PARD3: variants seen among roughly 807,000 people sequenced by gnomAD.
The protein encoded by PARD3 is partitioning defective 3 homolog.
A neutral mutation model predicts 155.4 loss-of-function variants in PARD3; 75 were observed. That is an observed-to-expected ratio of 0.48 (90% CI 0.40 to 0.58). PARD3 has a LOEUF of 0.58. Ranked by LOEUF, PARD3 falls within the 20% of genes least tolerant of loss-of-function variation. The pLI is 0.00. For synonymous variants in PARD3, 576 were observed against 610.5 expected, an observed-to-expected ratio of 0.94 and a Z score of 0.83; for missense variants, 1,642 against 1,721.7, an observed-to-expected ratio of 0.95 and a Z score of 0.82.
intron 22 of PARD3, among the ~76,000 whole-genome samples, chr10:34,232,728 T>C (rs2133581855): frequency 6.6e-6 from 1 of 152,234 alleles, no homozygotes; most frequent in African/African-American, 2.4e-5. Context: ...AGAGACAAAG[T>C]CTTGCTGTAT....
intron 2 of PARD3, among the ~76,000 whole-genome samples, chr10:34,625,931 G>A (rs2091959495): frequency 6.6e-6 from 1 of 152,086 alleles, no homozygotes; most frequent in African/African-American, 2.4e-5. Flanking sequence ...ACAAAAACAA[G>A]TCAACTTCAC....
intron 22 of PARD3, among the ~76,000 whole-genome samples, chr10:34,197,849 C>G (rs996140664): frequency 5.3e-5 from 8 of 152,228 alleles, no homozygotes; most frequent in Admixed American, 6.5e-5. Context: ...CCTGCCCCAG[C>G]CTCCCGAGCA....
intron 22 of PARD3, among the ~76,000 whole-genome samples, chr10:34,244,086 C>T (rs949998795): frequency 1.1e-4 from 16 of 152,232 alleles, no homozygotes; most frequent in Middle Eastern, 3.4e-3. Context: ...TCCTATGTGG[C>T]TGATCAGTTA....
intron 2 of PARD3, among the ~76,000 whole-genome samples, chr10:34,550,161 C>G (rs1224992223): frequency 1.3e-5 from 2 of 152,206 alleles, no homozygotes; most frequent in African/African-American, 4.8e-5. Flanking sequence ...TGCACACATG[C>G]ATGGTGAGGA....
intron 1 of PARD3, among the ~76,000 whole-genome samples, chr10:34,772,868 GT>G (rs1237037967): frequency 1.3e-5 from 2 of 150,592 alleles, no homozygotes; most frequent in Non-Finnish European, 3.0e-5. Flanking sequence ...AAGAAAGCCT[GT>G]AATAAATACC....
At chr10:34,687,005 C>T (rs1339872825) in intron 2 of PARD3, among the ~76,000 whole-genome samples, 5 of 151,712 alleles carry the variant, frequency 3.3e-5, no homozygotes, top group East Asian at 1.9e-4. Flanking sequence ...GCCGAGACAG[C>T]GCCACTGCAC....
rs1346260244 is a variant in PARD3, at chr10:34,375,005, AAAAC to A, written c.1540-7_1540-4del. On this transcript the variant is annotated splice_polypyrimidine_tract_variant and splice_region_variant and intron_variant, in intron 10 of 24. Coordinates refer to ENST00000374788, the MANE Select transcript of PARD3 (RefSeq NM_001184785.2). ...CCCACTAAATCTACTCCATTTACCT[AAAAC>A]AAAACAAAAGTTTTCAGCTGTAATC... The A allele has an allele frequency of 6.2e-7, 1 of 1,612,806 alleles. No homozygotes were observed. Among genetic ancestry groups the A allele is most frequent in the South Asian group, 1.1e-5 (1 of 91,036 alleles).
intron 1 of PARD3, among the ~76,000 whole-genome samples, chr10:34,803,171 G>A (rs565615742): frequency 5.3e-5 from 8 of 151,128 alleles, no homozygotes; most frequent in Admixed American, 2.0e-4. Flanking sequence ...CCCAGGAGAC[G>A]GACGTTGCAG....
intron 1 of PARD3, among the ~76,000 whole-genome samples, chr10:34,806,817 T>G (rs927324068): frequency 6.6e-6 from 1 of 152,164 alleles, no homozygotes; most frequent in African/African-American, 2.4e-5. Flanking sequence ...TATGGTCCCA[T>G]GAGCACCAAA....
At chr10:34,814,721 A>G (rs1409573987) in intron 1 of PARD3, among the ~76,000 whole-genome samples, 155 bp downstream of exon 1, 1 of 151,484 alleles carries the variant, frequency 6.6e-6, no homozygotes. Context: ...TGGCGCCCGC[A>G]GTCCGGGGCG....
At chr10:34,414,909 T>C (rs527462264) in intron 5 of PARD3, among the ~76,000 whole-genome samples, 94 of 152,150 alleles carry the variant, frequency 6.2e-4, no homozygotes, top group Admixed American at 2.2e-3. Context: ...CTCTATACCA[T>C]AACTCTTCCA....
chr10:34,286,780 T>A (rs1040715874), intron 20 of PARD3, among the ~76,000 whole-genome samples: 1 of 152,184 alleles, frequency 6.6e-6, no homozygotes, highest in Non-Finnish European at 1.5e-5. Context: ...TGACCCTGGA[T>A]GCATGTGAAG....
chr10:34,730,738 G>A (rs2094802334), intron 1 of PARD3, among the ~76,000 whole-genome samples: 1 of 152,172 alleles, frequency 6.6e-6, no homozygotes, highest in African/African-American at 2.4e-5. Flanking sequence ...AGTGAGCTAT[G>A]ACTGCAACAC....
intron 22 of PARD3, among the ~76,000 whole-genome samples, chr10:34,218,146 A>G (rs1378579811): frequency 2.0e-5 from 3 of 152,180 alleles, no homozygotes; most frequent in African/African-American, 4.8e-5. Context: ...TGGTCTTTTA[A>G]CCTTCAGATG....
At chr10:34,776,317 C>T (rs9418121) in intron 1 of PARD3, among the ~76,000 whole-genome samples, 36,765 of 152,100 alleles carry the variant, frequency 0.24, 5,102 homozygotes, top group East Asian at 0.54. Context: ...CAGACACCTA[C>T]AAGAGATTAC....
chr10:34,155,394 A>G (rs1161680055), intron 22 of PARD3, among the ~76,000 whole-genome samples: 1 of 152,222 alleles, frequency 6.6e-6, no homozygotes, highest in African/African-American at 2.4e-5. Context: ...AATAGAGGAG[A>G]CTACAGCAAA....
chr10:34,781,524 G>A (rs78384189), intron 1 of PARD3, among the ~76,000 whole-genome samples: 2 of 152,282 alleles, frequency 1.3e-5, no homozygotes, highest in East Asian at 3.9e-4. Flanking sequence ...ACAGCCTGAT[G>A]GTACTTTTAG....
intron 21 of PARD3, among the ~76,000 whole-genome samples, chr10:34,280,338 G>GA (rs920295383): frequency 1.3e-5 from 2 of 151,918 alleles, no homozygotes; most frequent in African/African-American, 4.8e-5. Flanking sequence ...TACTTTATAG[G>GA]AAAAAAAATG....
chr10:34,222,198 C>A (rs1454366401), intron 22 of PARD3, among the ~76,000 whole-genome samples: 1 of 152,124 alleles, frequency 6.6e-6, no homozygotes, highest in East Asian at 1.9e-4. Flanking sequence ...TATTTTAATA[C>A]CTTTAAAGGG....
Sources: allele counts gnomAD v4.1 joint callset (sites outside exome capture counted in the v4.1 genomes callset), GRCh38; gene constraint gnomAD v4.1.1; transcripts MANE v1.5; gene names NCBI Gene and HGNC (gene_info 2026-07-23, HGNC 2026-07-21).